CNTN4: variants seen among roughly 807,000 people sequenced by gnomAD.
CNTN4 encodes contactin 4, also known as contactin-4.
A neutral mutation model predicts 122.5 loss-of-function variants in CNTN4; 77 were observed. That is an observed-to-expected ratio of 0.63 (90% CI 0.52 to 0.76). The LOEUF is 0.76. CNTN4 is among the 30% of genes least tolerant of loss of function. The pLI, the probability that CNTN4 is intolerant of heterozygous loss-of-function variation, is 0.00. For missense variants in CNTN4, 1,256 were observed against 1,259.1 expected (o/e 1.00, Z 0.04); for synonymous variants, 512 against 447.0 (o/e 1.15, Z -1.83).
chr3:2,238,560 A>G (rs563563177), intron 2 of CNTN4, among the ~76,000 whole-genome samples: 1 of 151,808 alleles, frequency 6.6e-6, no homozygotes, highest in Non-Finnish European at 1.5e-5. Flanking sequence ...AATGTATTTA[A>G]TGCTTTCCCT....
intron 7 of CNTN4, among the ~76,000 whole-genome samples, chr3:2,835,989 A>G (rs1386920746): frequency 2.0e-5 from 3 of 152,164 alleles, no homozygotes; most frequent in African/African-American, 4.8e-5. Context: ...AAATCTAATC[A>G]AGAACAAACT....
chr3:2,157,802 T>G (rs889455896), intron 2 of CNTN4, among the ~76,000 whole-genome samples: 5 of 152,256 alleles, frequency 3.3e-5, no homozygotes, highest in African/African-American at 9.6e-5. Flanking sequence ...TGCTCCTGAC[T>G]TCAAAATTTT....
chr3:3,043,546 T>C (rs1700352177), intron 22 of CNTN4, 46 bp from the exon 23 acceptor site: 3 of 1,399,230 alleles, frequency 2.1e-6, no homozygotes, highest in African/African-American at 1.4e-5. Flanking sequence ...CAGAATCCAT[T>C]GAGACTTAAT....
At chr3:2,396,738 A>G (rs967586359) in intron 3 of CNTN4, among the ~76,000 whole-genome samples, 29 of 151,892 alleles carry the variant, frequency 1.9e-4, no homozygotes, top group African/African-American at 6.8e-4. Context: ...GAACTAGTCA[A>G]AGTGGCTGTT....
chr3:2,854,191 A>T (rs2093591598), intron 7 of CNTN4, among the ~76,000 whole-genome samples: 1 of 151,760 alleles, frequency 6.6e-6, no homozygotes, highest in South Asian at 2.1e-4. Context: ...TCACAGGAGC[A>T]TTAGCAAGAC....
At chr3:2,955,495 CA>C (rs1241634885) in intron 13 of CNTN4, among the ~76,000 whole-genome samples, 2 of 152,186 alleles carry the variant, frequency 1.3e-5, no homozygotes, top group Non-Finnish European at 2.9e-5. Flanking sequence ...ATTAAATATT[CA>C]GATATTCAAT....
intron 12 of CNTN4, among the ~76,000 whole-genome samples, chr3:2,916,235 G>C (rs1356794617): frequency 6.7e-6 from 1 of 149,152 alleles, no homozygotes; most frequent in Non-Finnish European, 1.5e-5. Flanking sequence ...GATCATTCTT[G>C]GGTGTTTCTC....
At position 2,886,596 on chromosome 3, in the gene CNTN4, C is replaced by A. The variant is rs192766817; in HGVS notation, c.756-444C>A. On this transcript the variant is annotated intron_variant, in intron 9 of 24. Coordinates refer to ENST00000418658, the MANE Select transcript of CNTN4 (RefSeq NM_175607.3). ...GTGCGATCTTGGCTCACTGCAACCT[C>A]CGCTTCCCAGGTTCAAGTGATTCTC... is the stretch of plus-strand genomic sequence containing the variant. Among the ~76,000 whole-genome samples, 298 of 149,688 alleles carry A rather than the reference C, an allele frequency of 2.0e-3. 3 individuals are homozygous for A. Among genetic ancestry groups the A allele is most frequent in the South Asian group, 8.5e-3 (40 of 4,714 alleles).
intron 4 of CNTN4, among the ~76,000 whole-genome samples, chr3:2,640,898 A>C (rs1256986971): frequency 6.6e-6 from 1 of 152,290 alleles, no homozygotes; most frequent in East Asian, 1.9e-4. Context: ...TTGTCAGGTC[A>C]CTTTTCTCTC....
In CNTN4 at chr3:2,391,216, C is replaced by G. The variant is rs539078479; in HGVS notation, c.-89+51983C>G. Among the ~76,000 whole-genome samples, 83 of 152,264 alleles carry G rather than the reference C, an allele frequency of 5.5e-4. No individual in the cohort carries two copies. In the Middle Eastern group the frequency reaches 0.017, roughly 31 times the overall value. On this transcript the variant is annotated intron_variant, in intron 3 of 24. Transcript: ENST00000418658. ...ATCTTCAAATATAATAACCAGCATC[C>G]AATCAAAAATGACTGAAGCATAAGA...
chr3:2,529,511 G>C (rs1484641593), intron 3 of CNTN4, among the ~76,000 whole-genome samples: 4 of 152,016 alleles, frequency 2.6e-5, no homozygotes, highest in Non-Finnish European at 1.5e-5. Context: ...TTTCATATTT[G>C]TATGGAGTAG....
chr3:2,950,551 G>A (rs2151593726), intron 13 of CNTN4, among the ~76,000 whole-genome samples: 1 of 152,310 alleles, frequency 6.6e-6, no homozygotes, highest in East Asian at 1.9e-4. Flanking sequence ...TGACATGTGA[G>A]CCCAAAGATG....
chr3:2,637,363 T>C (rs2082705893), intron 4 of CNTN4, among the ~76,000 whole-genome samples: 1 of 152,176 alleles, frequency 6.6e-6, no homozygotes, highest in Non-Finnish European at 1.5e-5. Context: ...AAAAGCAAAA[T>C]GGATTCTGAT....
chr3:2,412,968 C>G (rs75243539), intron 3 of CNTN4, among the ~76,000 whole-genome samples: 7 of 152,282 alleles, frequency 4.6e-5, no homozygotes, highest in African/African-American at 1.7e-4. Flanking sequence ...TCAGAGTAGA[C>G]AGTAAGCACT....
At chr3:2,308,598 C>A (rs1385004665) in intron 2 of CNTN4, among the ~76,000 whole-genome samples, 1 of 152,054 alleles carries the variant, frequency 6.6e-6, no homozygotes, top group African/African-American at 2.4e-5. Context: ...CATTTTCATG[C>A]ATCTCAAAGT....
intron 4 of CNTN4, among the ~76,000 whole-genome samples, chr3:2,632,099 T>C (rs1285081769): frequency 1.3e-5 from 2 of 148,794 alleles, no homozygotes; most frequent in Non-Finnish European, 3.0e-5. Flanking sequence ...TGTGTATGTA[T>C]GTATGTATAT....
At chr3:2,243,919 T>C (rs1157021921) in intron 2 of CNTN4, among the ~76,000 whole-genome samples, 1 of 152,050 alleles carries the variant, frequency 6.6e-6, no homozygotes, top group Non-Finnish European at 1.5e-5. Context: ...CTGAAAGCAA[T>C]GTAAAAACCT....
At chr3:2,655,772 C>G (rs2083562073) in intron 4 of CNTN4, among the ~76,000 whole-genome samples, 1 of 152,052 alleles carries the variant, frequency 6.6e-6, no homozygotes, top group South Asian at 2.1e-4. Flanking sequence ...TAGCCTAGTG[C>G]CTCTTTGCCA....
chr3:2,140,597 A>G (rs2034944592), intron 2 of CNTN4, among the ~76,000 whole-genome samples: 1 of 152,088 alleles, frequency 6.6e-6, no homozygotes. Context: ...AACCCCATTC[A>G]TGTCCTAATT....
Sources: gnomAD v4.1 joint callset for allele counts (sites outside exome capture counted in the v4.1 genomes callset) on GRCh38, gnomAD v4.1.1 for gene constraint, MANE v1.5 for transcripts, NCBI Gene and HGNC (gene_info 2026-07-23, HGNC 2026-07-21) for gene names.